MOCS1: variants seen among roughly 807,000 people sequenced by gnomAD.
MOCS1 encodes the protein molybdenum cofactor synthesis 1.
MOCS1 carries 39 observed loss-of-function variants against 57.6 expected under a neutral mutation model. The observed-to-expected ratio is 0.68, with a 90% CI of 0.52 to 0.88. MOCS1 has a LOEUF of 0.88. MOCS1 is among the 40% of genes least tolerant of loss of function. The probability of loss-of-function intolerance (pLI) is 0.00; values close to 1 mark genes in which losing one functional copy is unlikely to be tolerated. For synonymous variants in MOCS1, 334 were observed against 335.7 expected, an observed-to-expected ratio of 1.00 and a Z score of 0.05; for missense variants, 795 against 831.1, an observed-to-expected ratio of 0.96 and a Z score of 0.53.
intron 2 of MOCS1, among the ~76,000 whole-genome samples, chr6:39,926,462 A>AC (rs1408859820): frequency 6.6e-6 from 1 of 151,470 alleles, no homozygotes; most frequent in East Asian, 2.0e-4. Flanking sequence ...TGGAAGGGCC[A>AC]CCATCCTCCA....
Position 39,934,408 on chromosome 6 carries a change from G to T in MOCS1, c.10C>A (p.Arg4=). 6.4e-7 allele frequency: 1 copy of T among 1,566,196 alleles called. No homozygotes were observed. The highest frequency in any genetic ancestry group is 8.6e-7 in the Non-Finnish European group (1 of 1,161,342). The part of the protein sequence containing the change: MAA[R]PLSRMLRRLL... Reference sequence around the variant, plus strand: ...CGCCGCAGCATCCGGGACAGTGGCCGCGCCGCCATGAAGCCTGATACGAGC... The same window carrying T: ...CGCCGCAGCATCCGGGACAGTGGCCTCGCCGCCATGAAGCCTGATACGAGC... Residue 4 remains arginine (R), a synonymous_variant, in exon 1 of 11, where the codon CGG becomes AGG. Transcript: ENST00000340692.
At chr6:39,917,406 G>A (rs1767723294) in intron 3 of MOCS1, among the ~76,000 whole-genome samples, 1 of 152,122 alleles carries the variant, frequency 6.6e-6, no homozygotes, top group Non-Finnish European at 1.5e-5. Context: ...CCCATGACAC[G>A]TGGGGATTAT....
chr6:39,934,038 C>A (rs928389467), intron 1 of MOCS1, among the ~76,000 whole-genome samples: 6 of 152,052 alleles, frequency 3.9e-5, no homozygotes, highest in African/African-American at 1.4e-4. Context: ...GAATTTCTGG[C>A]CAAGCTCAGG....
Position 39,906,969 on chromosome 6 carries a change from A to AG in MOCS1, c.1298dup (p.Pro434SerfsTer30). 1 of 1,613,998 alleles carries AG rather than the reference A, an allele frequency of 6.2e-7. No homozygotes were observed. Among genetic ancestry groups the AG allele is most frequent in the Non-Finnish European group, 8.5e-7 (1 of 1,179,990 alleles). ...ACCCCAGCCGCTGCTGGGCTAGAGG[A>AG]GGGGTCTGGGGGACCCTGCATCCTT... On this transcript the variant is annotated frameshift_variant, in exon 11 of 11. Transcript: ENST00000340692. LOFTEE classifies it high-confidence loss of function.
chr6:39,916,479 T>C (rs189111321), intron 3 of MOCS1, among the ~76,000 whole-genome samples: 19 of 152,318 alleles, frequency 1.2e-4, no homozygotes, highest in Admixed American at 3.3e-4. Flanking sequence ...CATTAGCTCA[T>C]TGAAGCCTCA....
chr6:39,912,677 C>A (rs966415788), intron 7 of MOCS1, among the ~76,000 whole-genome samples: 6 of 152,176 alleles, frequency 3.9e-5, no homozygotes, highest in Non-Finnish European at 7.4e-5. Flanking sequence ...GGAGTGTGTC[C>A]TCTGACATGT....
intron 10 of MOCS1, among the ~76,000 whole-genome samples, chr6:39,908,764 G>C (rs1767110625): frequency 6.6e-6 from 1 of 152,084 alleles, no homozygotes; most frequent in Non-Finnish European, 1.5e-5. Context: ...CAATTCTCAG[G>C]GAGCCACTAA....
At chr6:39,920,354 T>C (rs1287061219) in intron 3 of MOCS1, among the ~76,000 whole-genome samples, 1 of 152,212 alleles carries the variant, frequency 6.6e-6, no homozygotes, top group Non-Finnish European at 1.5e-5. Context: ...TGTTATTAAG[T>C]AATGCCACAT....
Position 39,927,105 on chromosome 6 carries a change from C to T in MOCS1, c.250+224G>A, listed in dbSNP as rs1269563144. 1.8e-5 allele frequency: 10 copies of T among 555,668 alleles called. No homozygotes were observed. The East Asian group carries it at 2.8e-4, about 15-fold the overall frequency. The allele number at this position is 555,668 out of a possible 1,614,324, so 34.4% of individuals were successfully genotyped here. Reference sequence around the variant, plus strand: ...CTAAATCCAACTGCATTTATGTTTTCAAATCTAATTCCAAGTAGGACACAG... The same window carrying T: ...CTAAATCCAACTGCATTTATGTTTTTAAATCTAATTCCAAGTAGGACACAG... On this transcript the variant is annotated intron_variant, in intron 2 of 10. Coordinates refer to ENST00000340692, the MANE Select transcript of MOCS1 (RefSeq NM_001358530.2).
chr6:39,914,986 G>A (rs1419468057), intron 4 of MOCS1, among the ~76,000 whole-genome samples: 1 of 152,060 alleles, frequency 6.6e-6, no homozygotes, highest in Non-Finnish European at 1.5e-5. Context: ...CAGAGTATGT[G>A]CCATTGATTG....
chr6:39,913,276 A>G, intron 6 of MOCS1, 41 bp downstream of exon 6: 2 of 1,564,898 alleles, frequency 1.3e-6, no homozygotes, highest in Non-Finnish European at 1.8e-6. Context: ...CTGCAGGCCC[A>G]ACCCCTTCTT....
At chr6:39,918,582 A>G (rs1767788773) in intron 3 of MOCS1, among the ~76,000 whole-genome samples, 1 of 152,248 alleles carries the variant, frequency 6.6e-6, no homozygotes, top group South Asian at 2.1e-4. Context: ...CAACAATAGC[A>G]AACTGGTTAA....
chr6:39,928,472 A>G (rs1274287197), intron 1 of MOCS1, among the ~76,000 whole-genome samples: 1 of 152,088 alleles, frequency 6.6e-6, no homozygotes, highest in East Asian at 1.9e-4. Flanking sequence ...CCCTGATTCC[A>G]GGTTCTAAAT....
chr6:39,915,997 G>A, intron 4 of MOCS1, 71 bp downstream of exon 4: 1 of 1,518,760 alleles, frequency 6.6e-7, no homozygotes, highest in South Asian at 1.2e-5. Context: ...CCCTGGCTCA[G>A]CAATGGCCAT....
In MOCS1 at chr6:39,909,823, C is replaced by T. The variant is rs781436380; in HGVS notation, c.1102+12G>A. ...TCACCATCCAGGCCAGCCCTCCCCA[C>T]CCTGCACTTACCTGCATGCTGCCGC... On this transcript the variant is annotated intron_variant, in intron 9 of 10. Coordinates refer to ENST00000340692, the MANE Select transcript of MOCS1 (RefSeq NM_001358530.2). 35 of 1,612,298 alleles carry T rather than the reference C, an allele frequency of 2.2e-5. No homozygotes were observed. The highest frequency in any genetic ancestry group is 1.1e-5 in the Non-Finnish European group (13 of 1,180,002).
At chr6:39,927,688 T>G in intron 1 of MOCS1, 1 of 1,542,142 alleles carries the variant, frequency 6.5e-7, no homozygotes. Context: ...CGGGGGCGGA[T>G]GGTGATCTCT....
Position 39,912,392 on chromosome 6 carries a change from G to C in MOCS1, c.871-18C>G. On this transcript the variant is annotated intron_variant, in intron 7 of 10. Coordinates refer to ENST00000340692, the MANE Select transcript of MOCS1 (RefSeq NM_001358530.2). ...TTAAAGGCCTGGGCAGGGGAGAGTGGGAGCAAAAGGGCAGTGGAGGGGATG... is the reference window on the plus strand; with the variant it reads ...TTAAAGGCCTGGGCAGGGGAGAGTGCGAGCAAAAGGGCAGTGGAGGGGATG... 6.4e-7 allele frequency: 1 copy of C among 1,562,230 alleles called. No homozygotes were observed. The highest frequency in any genetic ancestry group is 1.1e-5 in the South Asian group (1 of 89,986).
intron 3 of MOCS1, among the ~76,000 whole-genome samples, chr6:39,925,066 C>G (rs573434198): frequency 6.6e-5 from 10 of 152,228 alleles, no homozygotes; most frequent in African/African-American, 1.9e-4. Flanking sequence ...GGTGACAGAG[C>G]GAGACTCTAT....
rs748139124 is a variant in MOCS1, at chr6:39,906,104, G to A, written c.*253C>T. ...ATCTGGCATTGCTTGTTGCAGTCCCGCTCCCACGACCTTAGTGTCCTGGAA... is the reference window on the plus strand; with the variant it reads ...ATCTGGCATTGCTTGTTGCAGTCCCACTCCCACGACCTTAGTGTCCTGGAA... On this transcript the variant is annotated 3_prime_UTR_variant, in exon 11 of 11. Transcript: ENST00000340692. The A allele has an allele frequency of 4.4e-5, 29 of 663,580 alleles. 1 individual carries two copies. Among genetic ancestry groups the A allele is most frequent in the South Asian group, 2.1e-4 (14 of 66,126 alleles). The allele number at this position is 663,580 out of a possible 1,614,324, so 41.1% of individuals were successfully genotyped here.
Sources: allele counts gnomAD v4.1 joint callset (sites outside exome capture counted in the v4.1 genomes callset), GRCh38; gene constraint gnomAD v4.1.1; transcripts MANE v1.5; gene names NCBI Gene and HGNC (gene_info 2026-07-23, HGNC 2026-07-21).